The following EYS variants were observed in gnomAD, a reference collection of about 807,000 sequenced individuals.
EYS encodes protein eyes shut homolog.
Under a neutral mutation model 282.1 loss-of-function variants are expected in EYS, and 250 were observed. The ratio of observed to expected loss-of-function variants is 0.89; its 90% CI spans 0.80 to 0.98. The LOEUF (loss-of-function observed/expected upper bound fraction) is 0.98. Ranked by LOEUF, EYS falls within the 50% of genes least tolerant of loss-of-function variation. The probability of loss-of-function intolerance (pLI) is 0.00; values close to 1 mark genes in which losing one functional copy is unlikely to be tolerated. For synonymous variants in EYS, 1,355 were observed against 1,282.9 expected (o/e 1.06, Z -1.20); for missense variants, 4,016 against 3,709.0 (o/e 1.08, Z -2.15).
At chr6:64,740,745 G>A (rs543370859) in intron 22 of EYS, among the ~76,000 whole-genome samples, 8 of 139,628 alleles carry the variant, frequency 5.7e-5, no homozygotes, top group East Asian at 2.1e-4. Flanking sequence ...ACTGAGTCTC[G>A]CTCTGTCACC....
At chr6:65,629,094 G>A (rs1271439661) in intron 2 of EYS, among the ~76,000 whole-genome samples, 1 of 152,180 alleles carries the variant, frequency 6.6e-6, no homozygotes, top group Non-Finnish European at 1.5e-5. Flanking sequence ...AAACTATACA[G>A]TAGTTTAAGA....
At chr6:65,483,135 A>C (rs2127257619) in intron 5 of EYS, among the ~76,000 whole-genome samples, 1 of 152,242 alleles carries the variant, frequency 6.6e-6, no homozygotes, top group Non-Finnish European at 1.5e-5. Flanking sequence ...GTTTTATATT[A>C]TATTTTAATT....
chr6:64,736,090 C>A (rs1282406763), intron 22 of EYS, among the ~76,000 whole-genome samples: 1 of 151,946 alleles, frequency 6.6e-6, no homozygotes, highest in Non-Finnish European at 1.5e-5. Context: ...CAAAGGTTTT[C>A]TTCTGATAGC....
chr6:64,845,432 G>A (rs927069241), intron 19 of EYS, among the ~76,000 whole-genome samples: 5 of 151,748 alleles, frequency 3.3e-5, no homozygotes, highest in Admixed American at 6.6e-5. Context: ...ATCTTCCATG[G>A]TGCATAAAAT....
At chr6:63,997,951 C>T (rs1234368683) in intron 34 of EYS, among the ~76,000 whole-genome samples, 1 of 152,046 alleles carries the variant, frequency 6.6e-6, no homozygotes, top group Admixed American at 6.6e-5. Context: ...CATATATTTT[C>T]TACTGCTTGA....
At chr6:65,542,068 T>C (rs191864312) in intron 2 of EYS, among the ~76,000 whole-genome samples, 2 of 152,266 alleles carry the variant, frequency 1.3e-5, no homozygotes, top group African/African-American at 4.8e-5. Context: ...GTGCAAGGAA[T>C]TGACTGCACA....
chr6:64,720,615 G>C (rs1488708976), intron 22 of EYS, among the ~76,000 whole-genome samples: 1 of 151,966 alleles, frequency 6.6e-6, no homozygotes, highest in Non-Finnish European at 1.5e-5. Flanking sequence ...TTTTGCTTCA[G>C]GACATGAGTA....
chr6:64,958,760 A>AAAAAAAAAAAAAAAAAG (rs1769812125), intron 14 of EYS, among the ~76,000 whole-genome samples: 1 of 148,910 alleles, frequency 6.7e-6, no homozygotes, highest in African/African-American at 2.4e-5. Flanking sequence ...AAAAAAAAAA[A>AAAAAAAAAAAAAAAAAG]AAAGAAACAA....
At chr6:64,496,355 A>G (rs868792600) in intron 26 of EYS, among the ~76,000 whole-genome samples, 3 of 136,160 alleles carry the variant, frequency 2.2e-5, no homozygotes, top group Non-Finnish European at 3.1e-5. Flanking sequence ...GTTTCTCTTG[A>G]CTTTCATTTA....
At chr6:65,223,219 T>C (rs182971004) in intron 12 of EYS, among the ~76,000 whole-genome samples, 1 of 151,960 alleles carries the variant, frequency 6.6e-6, no homozygotes, top group African/African-American at 2.4e-5. Flanking sequence ...CACAAAAAAT[T>C]AGCTGGGCGT....
intron 33 of EYS, among the ~76,000 whole-genome samples, chr6:64,059,083 T>C (rs1246376223): frequency 6.6e-6 from 1 of 152,126 alleles, no homozygotes; most frequent in Non-Finnish European, 1.5e-5. Context: ...TTTTCTTCCA[T>C]GAGCATGTTA....
intron 14 of EYS, among the ~76,000 whole-genome samples, chr6:64,979,893 A>G (rs17688615): frequency 0.067 from 10,223 of 151,520 alleles, 437 homozygotes; most frequent in East Asian, 0.13. Flanking sequence ...TGAGTTGGAC[A>G]AATTATTTTT....
At chr6:65,430,302 G>A (rs1425260234) in intron 5 of EYS, among the ~76,000 whole-genome samples, 4 of 152,016 alleles carry the variant, frequency 2.6e-5, no homozygotes, top group Non-Finnish European at 5.9e-5. Flanking sequence ...AAACCAGACC[G>A]AACACCGAAC....
chr6:65,254,319 T>A (rs1403042583), intron 12 of EYS, among the ~76,000 whole-genome samples: 1 of 151,864 alleles, frequency 6.6e-6, no homozygotes, highest in East Asian at 1.9e-4. Context: ...GTTAAACACA[T>A]CTACTAAGAC....
intron 5 of EYS, among the ~76,000 whole-genome samples, chr6:65,462,160 A>G (rs955906326): frequency 9.9e-5 from 15 of 152,270 alleles, no homozygotes; most frequent in African/African-American, 3.6e-4. Flanking sequence ...ATAAATATAA[A>G]CAACACTTGG....
intron 5 of EYS, among the ~76,000 whole-genome samples, chr6:65,421,103 G>A (rs1176046799): frequency 6.6e-6 from 1 of 151,822 alleles, no homozygotes; most frequent in African/African-American, 2.4e-5. Context: ...GAAGCAGTCT[G>A]TTCTTTGAAG....
intron 2 of EYS, among the ~76,000 whole-genome samples, chr6:65,519,923 C>T (rs1455539407): frequency 6.7e-6 from 1 of 148,180 alleles, no homozygotes; most frequent in Non-Finnish European, 1.5e-5. Flanking sequence ...GAGGTTTCAC[C>T]ATGTTGCCTA....
rs74295017 is a variant in EYS, at chr6:64,960,412, G to A, written c.2260-14498C>T. On this transcript the variant is annotated intron_variant, in intron 14 of 42. Transcript: ENST00000503581. ...TTTCCTTTTACCTTTTTAAATTGCT[G>A]TCAATAATTTTTTAACAATGTAGAA... 1.3e-3 allele frequency among the ~76,000 whole-genome samples: 205 copies of A among 152,192 alleles called. 4 individuals are homozygous for A. In the East Asian group the frequency reaches 0.029, roughly 22 times the overall value.
At chr6:65,502,536 ATAT>A (rs1766492811) in intron 2 of EYS, among the ~76,000 whole-genome samples, 2 of 151,672 alleles carry the variant, frequency 1.3e-5, no homozygotes, top group African/African-American at 4.8e-5. Flanking sequence ...TAATGAATTA[ATAT>A]TAGTATATTA....
Sources: gnomAD v4.1 joint callset for allele counts (sites outside exome capture counted in the v4.1 genomes callset) on GRCh38, gnomAD v4.1.1 for gene constraint, MANE v1.5 for transcripts, NCBI Gene and HGNC (gene_info 2026-07-23, HGNC 2026-07-21) for gene names.